Variants in VPS8 observed in about 807,000 individuals in gnomAD.
VPS8 encodes vacuolar protein sorting-associated protein 8 homolog.
Under a neutral mutation model 216.4 loss-of-function variants are expected in VPS8, and 129 were observed. That is an observed-to-expected ratio of 0.60 (90% CI 0.52 to 0.69). VPS8 has a LOEUF of 0.69. Ranked by LOEUF, VPS8 falls within the 30% of genes least tolerant of loss-of-function variation. The probability of loss-of-function intolerance (pLI) is 0.00; values close to 1 mark genes in which losing one functional copy is unlikely to be tolerated. For synonymous variants in VPS8, 571 were observed against 565.4 expected (o/e 1.01, Z -0.14); for missense variants, 1,531 against 1,683.5 (o/e 0.91, Z 1.59).
intron 1 of VPS8, among the ~76,000 whole-genome samples, chr3:184,819,276 G>A (rs926939721): frequency 1.3e-5 from 2 of 152,136 alleles, no homozygotes; most frequent in Non-Finnish European, 2.9e-5. Flanking sequence ...ATGATTCCAT[G>A]ACATGTATTT....
At chr3:184,854,758 TG>T (rs1724933866) in intron 13 of VPS8, among the ~76,000 whole-genome samples, 1 of 152,220 alleles carries the variant, frequency 6.6e-6, no homozygotes, top group Non-Finnish European at 1.5e-5. Context: ...TGCTATTACA[TG>T]TGCTTTCCCT....
intron 1 of VPS8, among the ~76,000 whole-genome samples, chr3:184,819,186 A>G (rs1176643450): frequency 6.6e-6 from 1 of 152,198 alleles, no homozygotes; most frequent in African/African-American, 2.4e-5. Flanking sequence ...CAGAATTATC[A>G]AGATGTCAGA....
At chr3:184,973,476 A>G (rs1748767846) in intron 40 of VPS8, among the ~76,000 whole-genome samples, 1 of 152,206 alleles carries the variant, frequency 6.6e-6, no homozygotes, top group South Asian at 2.1e-4. Context: ...ATTTTGATAC[A>G]TGCATACAAT....
At chr3:184,996,877 C>T (rs955343144) in intron 44 of VPS8, among the ~76,000 whole-genome samples, 2 of 152,106 alleles carry the variant, frequency 1.3e-5, no homozygotes, top group Non-Finnish European at 2.9e-5. Flanking sequence ...GTAGGGATAA[C>T]TTGCTGGTGT....
chr3:184,980,881 T>TA (rs1750085159), intron 40 of VPS8, among the ~76,000 whole-genome samples: 2 of 152,216 alleles, frequency 1.3e-5, no homozygotes, highest in African/African-American at 4.8e-5. Context: ...TGTTTGCTGT[T>TA]AAGAAGAAAC....
rs1041671108 is a variant in VPS8 at position 184,925,772 on chromosome 3, A to C, written c.2574+791A>C. On this transcript the variant is annotated intron_variant, in intron 30 of 47. Coordinates refer to ENST00000625842, the MANE Select transcript of VPS8 (RefSeq NM_001009921.3). ...ATAGTTATGTTTCTTTTCTCTCTCT[A>C]TTTTTTTTTTTTTTTTTTTGAGACA... is the stretch of plus-strand genomic sequence containing the variant. Among the ~76,000 whole-genome samples the C allele has an allele frequency of 1.2e-4, 14 of 121,524 alleles. No homozygotes were observed. The South Asian group carries it at 3.2e-3, about 28-fold the overall frequency. 79.7% of individuals were successfully genotyped at this position (121,524 alleles called of 152,430 possible).
chr3:184,842,708 CTTGT>C (rs1339734949), intron 7 of VPS8, among the ~76,000 whole-genome samples: 1 of 152,118 alleles, frequency 6.6e-6, no homozygotes, highest in African/African-American at 2.4e-5. Flanking sequence ...AAGAGCTATA[CTTGT>C]TTAAGTACTG....
At position 184,824,534 on chromosome 3, in the gene VPS8, T is replaced by C; in HGVS notation, c.-88-11T>C. On this transcript the variant is annotated splice_polypyrimidine_tract_variant and intron_variant, in intron 1 of 47. Transcript: ENST00000625842. Reference sequence around the variant, plus strand: ...TTTGTTTTGTTTTTGTTTTTTTCTTTTTTTGAAAAGAGATAATCATTCAGG... The same window carrying C: ...TTTGTTTTGTTTTTGTTTTTTTCTTCTTTTGAAAAGAGATAATCATTCAGG... 2.3e-6 allele frequency: 3 copies of C among 1,326,230 alleles called. No homozygotes were observed. Among genetic ancestry groups the C allele is most frequent in the South Asian group, 1.5e-5 (1 of 66,012 alleles). 82.2% of individuals were successfully genotyped at this position (1,326,230 alleles called of 1,614,324 possible).
chr3:184,816,842 A>G (rs1419505674), intron 1 of VPS8, among the ~76,000 whole-genome samples: 1 of 152,152 alleles, frequency 6.6e-6, no homozygotes, highest in African/African-American at 2.4e-5. Flanking sequence ...ACCATCTCCT[A>G]TTCTGTGCCC....
intron 4 of VPS8, among the ~76,000 whole-genome samples, chr3:184,834,420 A>G (rs912355394): frequency 4.6e-5 from 7 of 152,142 alleles, no homozygotes; most frequent in Non-Finnish European, 8.8e-5. Flanking sequence ...TAATGGGTGC[A>G]GTACACCAAC....
chr3:184,903,690 C>G (rs1190308637), intron 25 of VPS8, among the ~76,000 whole-genome samples: 1 of 152,134 alleles, frequency 6.6e-6, no homozygotes, highest in Non-Finnish European at 1.5e-5. Flanking sequence ...TCAAGCAATC[C>G]TCCCACCTCA....
chr3:184,999,538 A>C (rs185830563), intron 44 of VPS8, among the ~76,000 whole-genome samples, 158 bp from the exon 45 acceptor site: 1 of 152,382 alleles, frequency 6.6e-6, no homozygotes, highest in Non-Finnish European at 1.5e-5. Flanking sequence ...AAGAGAGGAC[A>C]GCAGCAAGTA....
intron 34 of VPS8, among the ~76,000 whole-genome samples, 195 bp from the exon 35 acceptor site, chr3:184,936,051 T>C (rs1000631456): frequency 6.6e-6 from 1 of 152,222 alleles, no homozygotes; most frequent in Admixed American, 6.5e-5. Context: ...ATTTTGATTT[T>C]TTTTTTTACA....
chr3:185,026,135 G>C (rs1407174426), intron 46 of VPS8, among the ~76,000 whole-genome samples: 1 of 152,004 alleles, frequency 6.6e-6, no homozygotes, highest in Non-Finnish European at 1.5e-5. Flanking sequence ...ACATTTGTGG[G>C]TTCTGCATCT....
intron 25 of VPS8, among the ~76,000 whole-genome samples, chr3:184,910,682 G>A (rs1005807777): frequency 1.3e-5 from 2 of 152,072 alleles, no homozygotes; most frequent in Non-Finnish European, 2.9e-5. Context: ...TTCCATATTC[G>A]TGGTTCCCTG....
chr3:185,017,096 T>C (rs892388359), intron 45 of VPS8, among the ~76,000 whole-genome samples: 1 of 152,090 alleles, frequency 6.6e-6, no homozygotes, highest in African/African-American at 2.4e-5. Context: ...TTAGAACTTG[T>C]GCTCCCCATT....
At chr3:184,932,274 T>C (rs1303577481) in intron 34 of VPS8, among the ~76,000 whole-genome samples, 1 of 152,152 alleles carries the variant, frequency 6.6e-6, no homozygotes, top group Non-Finnish European at 1.5e-5. Flanking sequence ...TAATGAAAGA[T>C]TGATGCCTCG....
intron 14 of VPS8, among the ~76,000 whole-genome samples, chr3:184,857,051 A>G (rs1725392604): frequency 2.0e-5 from 3 of 152,318 alleles, no homozygotes; most frequent in African/African-American, 7.2e-5. Context: ...TTACTTGTCT[A>G]ATATTTTTCT....
At chr3:184,918,006 TG>T (rs941752389) in intron 28 of VPS8, among the ~76,000 whole-genome samples, 13 of 152,260 alleles carry the variant, frequency 8.5e-5, no homozygotes, top group African/African-American at 2.9e-4. Flanking sequence ...AACATGAATT[TG>T]GGGGCATACA....
Sources: allele counts gnomAD v4.1 joint callset (sites outside exome capture counted in the v4.1 genomes callset), GRCh38; gene constraint gnomAD v4.1.1; transcripts MANE v1.5; gene names NCBI Gene and HGNC (gene_info 2026-07-23, HGNC 2026-07-21).